The following DAB1 variants were observed in gnomAD, a reference collection of about 807,000 sequenced individuals.
DAB1 encodes disabled homolog 1.
In DAB1, 15 loss-of-function variants were observed where a neutral mutation model predicts 64.6. The observed-to-expected ratio is 0.23, with a 90% CI of 0.16 to 0.36. The LOEUF (loss-of-function observed/expected upper bound fraction) is 0.36. Ranked by LOEUF, DAB1 falls within the 10% of genes least tolerant of loss-of-function variation. The pLI is 1.00. For missense variants in DAB1, 596 were observed against 706.7 expected, an observed-to-expected ratio of 0.84 and a Z score of 1.78; for synonymous variants, 235 against 251.9, an observed-to-expected ratio of 0.93 and a Z score of 0.64.
intron 5 of DAB1, among the ~76,000 whole-genome samples, chr1:58,015,147 T>G (rs564877301): frequency 1.3e-5 from 2 of 152,306 alleles, no homozygotes; most frequent in South Asian, 4.1e-4. Flanking sequence ...ATGGAGTCCA[T>G]GGGCCTGAGA....
chr1:57,861,813 G>T, intron 1 of DAB1, among the ~76,000 whole-genome samples: 1 of 149,440 alleles, frequency 6.7e-6, no homozygotes, highest in Non-Finnish European at 1.5e-5. Context: ...TATATAATAT[G>T]TATTAAATAT....
chr1:57,922,177 C>G (rs186008045), intron 5 of DAB1, among the ~76,000 whole-genome samples: 2 of 152,214 alleles, frequency 1.3e-5, no homozygotes. Flanking sequence ...TATCTCCCAT[C>G]ATTAGAAAGC....
intron 4 of DAB1, among the ~76,000 whole-genome samples, chr1:58,338,918 T>C (rs1029848027): frequency 9.8e-5 from 15 of 152,324 alleles, no homozygotes; most frequent in African/African-American, 3.4e-4. Flanking sequence ...AAAGGTCACA[T>C]ATTGCACCAT....
intron 4 of DAB1, among the ~76,000 whole-genome samples, chr1:58,265,969 G>A (rs1018056037): frequency 6.6e-6 from 1 of 151,944 alleles, no homozygotes; most frequent in Non-Finnish European, 1.5e-5. Flanking sequence ...GACACTGGTG[G>A]ATGCTTATTT....
At chr1:57,175,437 C>T (rs1410545763) in intron 2 of DAB1, among the ~76,000 whole-genome samples, 21 of 151,622 alleles carry the variant, frequency 1.4e-4, no homozygotes, top group Non-Finnish European at 1.2e-4. Context: ...TCTGGGGGAG[C>T]CTTCCTGCAA....
chr1:58,063,813 A>G (rs1557633569), intron 5 of DAB1, among the ~76,000 whole-genome samples: 1 of 152,212 alleles, frequency 6.6e-6, no homozygotes, highest in Non-Finnish European at 1.5e-5. Flanking sequence ...GCCAATTGCC[A>G]TTTCTACAGC....
chr1:57,507,703 A>G (rs1644359898), intron 7 of DAB1, among the ~76,000 whole-genome samples: 2 of 152,190 alleles, frequency 1.3e-5, no homozygotes, highest in Non-Finnish European at 2.9e-5. Context: ...GGAAGCCTCC[A>G]CAGTTCCTTT....
At chr1:57,875,511 C>T (rs941441047) in intron 1 of DAB1, among the ~76,000 whole-genome samples, 6 of 152,124 alleles carry the variant, frequency 3.9e-5, no homozygotes, top group African/African-American at 9.7e-5. Context: ...TCTGTGCTTC[C>T]GTTATACCTG....
intron 1 of DAB1, among the ~76,000 whole-genome samples, chr1:57,837,867 G>A (rs534132266): frequency 8.9e-5 from 11 of 123,712 alleles, no homozygotes; most frequent in South Asian, 3.0e-4. Flanking sequence ...CACCATTTCC[G>A]CTCCCAACTC....
intron 7 of DAB1, among the ~76,000 whole-genome samples, chr1:57,563,659 G>C (rs372347313): frequency 1.3e-5 from 2 of 152,260 alleles, no homozygotes; most frequent in South Asian, 4.2e-4. Context: ...ACCTGGCTCG[G>C]AGGGTCCCAT....
intron 7 of DAB1, among the ~76,000 whole-genome samples, chr1:57,563,499 C>A (rs1024103564): frequency 6.6e-6 from 1 of 152,170 alleles, no homozygotes; most frequent in African/African-American, 2.4e-5. Context: ...GGCATTACCT[C>A]ACCCAGGAAG....
chr1:57,898,725 G>T (rs943769657), intron 5 of DAB1, among the ~76,000 whole-genome samples: 1 of 152,120 alleles, frequency 6.6e-6, no homozygotes, highest in Non-Finnish European at 1.5e-5. Context: ...GTTTAAAAAA[G>T]GATAATCAGA....
chr1:57,156,701 C>T (rs1385872991), intron 2 of DAB1, among the ~76,000 whole-genome samples: 1 of 152,176 alleles, frequency 6.6e-6, no homozygotes, highest in Non-Finnish European at 1.5e-5. Flanking sequence ...AAACATCACA[C>T]TCATAGTCAT....
chr1:57,782,166 T>TC (rs869226358), intron 6 of DAB1, among the ~76,000 whole-genome samples: 2 of 7,846 alleles, frequency 2.5e-4, no homozygotes, highest in African/African-American at 1.3e-3. Flanking sequence ...AGGATAATTA[T>TC]TTCGAGGTAC....
At chr1:57,248,938 T>A (rs1321968679) in intron 2 of DAB1, among the ~76,000 whole-genome samples, 1 of 152,202 alleles carries the variant, frequency 6.6e-6, no homozygotes, top group Non-Finnish European at 1.5e-5. Context: ...GGTCTCAGGA[T>A]AATTAACAGA....
At chr1:57,141,524 A>T (rs138176432) in intron 3 of DAB1, among the ~76,000 whole-genome samples, 30 of 152,152 alleles carry the variant, frequency 2.0e-4, no homozygotes, top group African/African-American at 7.2e-4. Context: ...CACTGTTGCT[A>T]GATTCTGAGT....
chr1:57,066,599 T>A (rs1650938317), intron 8 of DAB1, among the ~76,000 whole-genome samples: 1 of 152,216 alleles, frequency 6.6e-6, no homozygotes, highest in Non-Finnish European at 1.5e-5. Context: ...CTTGAGGATT[T>A]CTGCTAGGCT....
chr1:57,086,753 C>T (rs960368317), intron 4 of DAB1, among the ~76,000 whole-genome samples: 2 of 151,756 alleles, frequency 1.3e-5, no homozygotes, highest in African/African-American at 4.8e-5. Context: ...GGCAATGTGC[C>T]TCTTTGTTTA....
At chr1:57,295,370 G>A (rs1341142732) in intron 1 of DAB1, among the ~76,000 whole-genome samples, 4 of 152,158 alleles carry the variant, frequency 2.6e-5, no homozygotes, top group Admixed American at 2.6e-4. Context: ...CCAAGACTTT[G>A]AGTTTGTGTG....
Sources: allele counts gnomAD v4.1 joint callset (sites outside exome capture counted in the v4.1 genomes callset), GRCh38; gene constraint gnomAD v4.1.1; transcripts MANE v1.5; gene names NCBI Gene and HGNC (gene_info 2026-07-23, HGNC 2026-07-21).